Variants in FMN1 observed in about 807,000 individuals in gnomAD.
The protein encoded by FMN1 is formin 1.
FMN1 carries 110 observed loss-of-function variants against 132.4 expected under a neutral mutation model. That is an observed-to-expected ratio of 0.83 (90% confidence interval 0.71 to 0.97). The LOEUF (loss-of-function observed/expected upper bound fraction) is 0.97, where lower values mean the gene tolerates loss of function less well. Among genes scored for constraint, FMN1 ranks in the 50% least tolerant of loss-of-function variants. The pLI is 0.00. For synonymous variants in FMN1, 722 were observed against 651.7 expected (o/e 1.11, Z -1.64); for missense variants, 1,792 against 1,705.3 (o/e 1.05, Z -0.90).
At chr15:32,781,850 T>C (rs903024607) in intron 19 of FMN1, among the ~76,000 whole-genome samples, 1 of 152,202 alleles carries the variant, frequency 6.6e-6, no homozygotes, top group Admixed American at 6.5e-5. Context: ...CTATATGTGA[T>C]TACTGATCAA....
intron 4 of FMN1, among the ~76,000 whole-genome samples, chr15:33,102,946 G>C (rs919339133): frequency 6.6e-6 from 1 of 151,964 alleles, no homozygotes; most frequent in African/African-American, 2.4e-5. Context: ...ATGGCAATCT[G>C]ATTTTTCCTC....
chr15:32,991,604 G>A (rs1354484079), intron 7 of FMN1, among the ~76,000 whole-genome samples: 1 of 152,138 alleles, frequency 6.6e-6, no homozygotes, highest in Non-Finnish European at 1.5e-5. Flanking sequence ...GCAGGCAGTA[G>A]ACTGTTTCTA....
intron 4 of FMN1, among the ~76,000 whole-genome samples, chr15:33,102,233 A>C (rs1468933500): frequency 6.6e-6 from 1 of 152,128 alleles, no homozygotes; most frequent in Admixed American, 6.6e-5. Context: ...TTACTGAGCA[A>C]GTTCCAGAAG....
intron 17 of FMN1, among the ~76,000 whole-genome samples, chr15:32,824,855 G>A (rs1343250720): frequency 1.3e-5 from 2 of 152,206 alleles, no homozygotes; most frequent in Non-Finnish European, 2.9e-5. Context: ...CTCAACATCA[G>A]ATTTGCATTT....
intron 9 of FMN1, among the ~76,000 whole-genome samples, chr15:32,943,205 A>G (rs867873671): frequency 1.3e-5 from 2 of 152,188 alleles, no homozygotes; most frequent in South Asian, 4.1e-4. Context: ...AAATATCCAC[A>G]TAGGGTACAC....
chr15:33,130,870 G>A (rs912783317), intron 4 of FMN1, among the ~76,000 whole-genome samples: 1 of 152,188 alleles, frequency 6.6e-6, no homozygotes, highest in Admixed American at 6.5e-5. Context: ...CTAGATGGGA[G>A]ATTTGGTTCT....
chr15:33,032,644 A>G (rs1223314236), intron 6 of FMN1, among the ~76,000 whole-genome samples: 1 of 152,174 alleles, frequency 6.6e-6, no homozygotes, highest in Admixed American at 6.5e-5. Flanking sequence ...AACTTATACA[A>G]AGTATTCCAG....
At chr15:32,971,936 C>T (rs2140684710) in intron 7 of FMN1, among the ~76,000 whole-genome samples, 1 of 152,252 alleles carries the variant, frequency 6.6e-6, no homozygotes, top group African/African-American at 2.4e-5. Context: ...ACATGTAAAG[C>T]TATATATCAT....
At chr15:33,098,603 T>C (rs914933959) in intron 4 of FMN1, among the ~76,000 whole-genome samples, 11 of 152,154 alleles carry the variant, frequency 7.2e-5, no homozygotes, top group African/African-American at 2.7e-4. Context: ...GGCTTTCAGT[T>C]AGCTTTTTAG....
At chr15:33,077,807 A>C (rs1479403164) in intron 5 of FMN1, among the ~76,000 whole-genome samples, 2 of 151,688 alleles carry the variant, frequency 1.3e-5, no homozygotes, top group East Asian at 1.9e-4. Context: ...AAAAAAAAAA[A>C]ACATCAAAAA....
At chr15:32,829,487 A>G (rs1255967156) in intron 17 of FMN1, among the ~76,000 whole-genome samples, 1 of 152,210 alleles carries the variant, frequency 6.6e-6, no homozygotes, top group Non-Finnish European at 1.5e-5. Context: ...ATTAAAATTA[A>G]TATTAAGGGC....
At chr15:33,011,740 T>G (rs1242828964) in intron 6 of FMN1, among the ~76,000 whole-genome samples, 1 of 151,974 alleles carries the variant, frequency 6.6e-6, no homozygotes, top group African/African-American at 2.4e-5. Context: ...TATAAATGCA[T>G]CCTACAAAAC....
intron 5 of FMN1, chr15:33,068,179 C>A (rs769214855): frequency 9.3e-5 from 34 of 366,514 alleles, no homozygotes; most frequent in Non-Finnish European, 1.3e-4. Flanking sequence ...TCTTCTGAAA[C>A]TTCCGTATTT....
At chr15:33,099,212 G>GCTT (rs2039200046) in intron 4 of FMN1, among the ~76,000 whole-genome samples, 1 of 152,202 alleles carries the variant, frequency 6.6e-6, no homozygotes, top group Non-Finnish European at 1.5e-5. Flanking sequence ...GACTGCTTGA[G>GCTT]CCTGGAAGGT....
chr15:33,128,737 G>A (rs552927744), intron 4 of FMN1, among the ~76,000 whole-genome samples: 58 of 152,312 alleles, frequency 3.8e-4, no homozygotes, highest in Middle Eastern at 6.8e-3. Context: ...TCTTAAAGGT[G>A]ATGTGGTGAA....
intron 4 of FMN1, among the ~76,000 whole-genome samples, chr15:33,094,702 A>T (rs1351051652): frequency 6.6e-6 from 1 of 152,212 alleles, no homozygotes; most frequent in Non-Finnish European, 1.5e-5. Context: ...CATTTTAAGG[A>T]AGTATATAAA....
intron 5 of FMN1, chr15:33,067,081 C>A (rs777746122): frequency 9.9e-6 from 16 of 1,613,884 alleles, no homozygotes; most frequent in African/African-American, 2.7e-5. Flanking sequence ...GGAATGACTT[C>A]TCTCCAGAGA....
intron 4 of FMN1, among the ~76,000 whole-genome samples, chr15:33,113,448 T>C (rs1481585384): frequency 6.6e-6 from 1 of 152,178 alleles, no homozygotes; most frequent in African/African-American, 2.4e-5. Context: ...TCTTATACTG[T>C]TTATGTAACA....
chr15:32,974,998 C>A (rs897983310), intron 7 of FMN1, among the ~76,000 whole-genome samples: 2 of 152,194 alleles, frequency 1.3e-5, no homozygotes, highest in African/African-American at 4.8e-5. Context: ...AGATATTTCC[C>A]TGCTCTTTTC....
Sources: allele counts gnomAD v4.1 joint callset (sites outside exome capture counted in the v4.1 genomes callset), GRCh38; gene constraint gnomAD v4.1.1; transcripts MANE v1.5; gene names NCBI Gene and HGNC (gene_info 2026-07-23, HGNC 2026-07-21).